The following KIAA1217 variants were observed in gnomAD, a reference collection of about 807,000 sequenced individuals.
The protein encoded by KIAA1217 is sickle tail protein homolog.
A neutral mutation model predicts 163.9 loss-of-function variants in KIAA1217; 88 were observed. The observed-to-expected ratio is 0.54, with a 90% confidence interval of 0.45 to 0.64. KIAA1217 has a LOEUF of 0.64. KIAA1217 is among the 30% of genes least tolerant of loss of function. The pLI, the probability that KIAA1217 is intolerant of heterozygous loss-of-function variation, is 0.00. For missense variants in KIAA1217, 2,372 were observed against 2,475.0 expected, an observed-to-expected ratio of 0.96 and a Z score of 0.88; for synonymous variants, 903 against 923.1, an observed-to-expected ratio of 0.98 and a Z score of 0.39.
intron 1 of KIAA1217, among the ~76,000 whole-genome samples, chr10:23,886,634 C>T (rs1841187528): frequency 6.6e-6 from 1 of 151,954 alleles, no homozygotes; most frequent in Admixed American, 6.6e-5. Flanking sequence ...GACAGTTGAA[C>T]AGGAGAAACA....
At chr10:24,270,813 A>T (rs766404024) in intron 2 of KIAA1217, among the ~76,000 whole-genome samples, 2 of 152,106 alleles carry the variant, frequency 1.3e-5, no homozygotes, top group Non-Finnish European at 2.9e-5. Context: ...TCCCAAGGTG[A>T]TGGGATCATA....
chr10:24,002,078 G>A (rs1264709160), intron 1 of KIAA1217, among the ~76,000 whole-genome samples: 1 of 152,166 alleles, frequency 6.6e-6, no homozygotes. Context: ...GAAACCAAGA[G>A]GCAGGCAGCT....
At chr10:24,502,119 G>C (rs1350042494) in intron 9 of KIAA1217, among the ~76,000 whole-genome samples, 1 of 151,930 alleles carries the variant, frequency 6.6e-6, no homozygotes, top group African/African-American at 2.4e-5. Flanking sequence ...TTTTGGAGAA[G>C]AGCCGAAAGG....
chr10:24,243,000 T>G (rs1040077056), intron 2 of KIAA1217, among the ~76,000 whole-genome samples: 1 of 152,202 alleles, frequency 6.6e-6, no homozygotes, highest in African/African-American at 2.4e-5. Context: ...GGATGCATTC[T>G]TTGTGAATAT....
At chr10:24,544,835 C>T in intron 19 of KIAA1217, 146 bp from the exon 20 acceptor site, 1 of 827,456 alleles carries the variant, frequency 1.2e-6, no homozygotes, top group Non-Finnish European at 1.9e-6. Context: ...TTCTGATTAA[C>T]CCCAGTTGGT....
intron 2 of KIAA1217, among the ~76,000 whole-genome samples, chr10:24,364,154 T>G (rs2050424574): frequency 6.6e-6 from 1 of 152,036 alleles, no homozygotes; most frequent in African/African-American, 2.4e-5. Flanking sequence ...AATTTTTGTA[T>G]TTTTAGTAAA....
chr10:24,070,425 G>A (rs3864844), intron 2 of KIAA1217, among the ~76,000 whole-genome samples: 41,054 of 152,074 alleles, frequency 0.27, 11,664 homozygotes, highest in African/African-American at 0.73. Flanking sequence ...TTAATTTTAT[G>A]TCTATACGTA....
At chr10:23,812,958 A>G (rs1837141542) in intron 1 of KIAA1217, among the ~76,000 whole-genome samples, 1 of 150,472 alleles carries the variant, frequency 6.6e-6, no homozygotes. Flanking sequence ...GGGTGTAAAC[A>G]TAGGAAAGGA....
rs1554918365 is a variant in KIAA1217 at position 24,511,172 on chromosome 10, A to AAAAAAAAAAAAAG, written c.2002-2086_2002-2085insAAAAAAAAAAAGA. On this transcript the variant is annotated intron_variant, in intron 9 of 20. Coordinates refer to ENST00000376454, the MANE Select transcript of KIAA1217 (RefSeq NM_019590.5). ...TGTCTCAAAAAAAAAAAAAAAAAAA[A>AAAAAAAAAAAAAG]AGGAGCCTGGCCCCTATGAAGAACT... 3.1e-3 allele frequency among the ~76,000 whole-genome samples: 356 copies of AAAAAAAAAAAAAG among 115,640 alleles called. 28 individuals are homozygous for AAAAAAAAAAAAAG. Among genetic ancestry groups the AAAAAAAAAAAAAG allele is most frequent in the African/African-American group, 9.3e-3 (252 of 27,096 alleles). The allele number at this position is 115,640 out of a possible 152,430, so 75.9% of individuals were successfully genotyped here.
chr10:24,422,397 G>A (rs74125407), intron 3 of KIAA1217, among the ~76,000 whole-genome samples: 5,036 of 152,200 alleles, frequency 0.033, 133 homozygotes, highest in African/African-American at 0.077. Flanking sequence ...TACAGTTATA[G>A]CATATTCGTA....
intron 2 of KIAA1217, among the ~76,000 whole-genome samples, chr10:24,267,314 T>C (rs2076329312): frequency 1.3e-5 from 2 of 152,156 alleles, no homozygotes; most frequent in South Asian, 4.1e-4. Flanking sequence ...GAGACTGGCA[T>C]ACATAAAACA....
chr10:24,278,187 G>GGT (rs1437882179), intron 2 of KIAA1217, among the ~76,000 whole-genome samples: 1 of 152,152 alleles, frequency 6.6e-6, no homozygotes, highest in Non-Finnish European at 1.5e-5. Flanking sequence ...CCACAGTGGC[G>GGT]GTGTAAAGGG....
At chr10:24,311,503 A>G (rs1011483233) in intron 2 of KIAA1217, among the ~76,000 whole-genome samples, 6 of 152,222 alleles carry the variant, frequency 3.9e-5, no homozygotes, top group Non-Finnish European at 5.9e-5. Flanking sequence ...TAAGGGAGGA[A>G]AAAGACCCAA....
chr10:23,971,381 C>A (rs199822182), intron 1 of KIAA1217, among the ~76,000 whole-genome samples: 2 of 152,206 alleles, frequency 1.3e-5, no homozygotes, highest in South Asian at 2.1e-4. Flanking sequence ...GGGAGACAAC[C>A]TTTCCCTGGC....
chr10:24,105,800 C>T (rs934995076), intron 2 of KIAA1217, among the ~76,000 whole-genome samples: 6 of 152,260 alleles, frequency 3.9e-5, no homozygotes, highest in African/African-American at 1.4e-4. Flanking sequence ...GGGCTTTCGG[C>T]CTAGAATGGA....
intron 2 of KIAA1217, among the ~76,000 whole-genome samples, chr10:24,082,906 T>C (rs1433128588): frequency 6.6e-6 from 1 of 152,210 alleles, no homozygotes. Context: ...CACCAGCAAC[T>C]GTTGTTTCTT....
chr10:23,908,798 T>C (rs34962467), intron 1 of KIAA1217, among the ~76,000 whole-genome samples: 1,544 of 152,238 alleles, frequency 0.01, 14 homozygotes, highest in Non-Finnish European at 0.016. Context: ...ACACTGTTGG[T>C]AAAACCACTA....
At chr10:23,974,894 T>A (rs1845477314) in intron 1 of KIAA1217, among the ~76,000 whole-genome samples, 2 of 148,866 alleles carry the variant, frequency 1.3e-5, no homozygotes, top group Admixed American at 1.3e-4. Context: ...CCCCCCCCCA[T>A]AGATAGGCAT....
At chr10:23,782,118 G>C (rs1256501722) in intron 1 of KIAA1217, among the ~76,000 whole-genome samples, 14 of 151,838 alleles carry the variant, frequency 9.2e-5, no homozygotes, top group Non-Finnish European at 1.5e-5. Flanking sequence ...TTGGCATTTT[G>C]ACAGTGATTG....
Sources: allele counts gnomAD v4.1 joint callset (sites outside exome capture counted in the v4.1 genomes callset), GRCh38; gene constraint gnomAD v4.1.1; transcripts MANE v1.5; gene names NCBI Gene and HGNC (gene_info 2026-07-23, HGNC 2026-07-21).